The following BTBD10 variants were observed in gnomAD, a reference collection of about 807,000 sequenced individuals.
BTBD10 encodes BTB domain containing 10.
In BTBD10, 21 loss-of-function variants were observed where a neutral mutation model predicts 53.2. The observed-to-expected ratio is 0.39, with a 90% CI of 0.28 to 0.57. The LOEUF (loss-of-function observed/expected upper bound fraction) is 0.57, where lower values mean the gene tolerates loss of function less well. BTBD10 is among the 20% of genes least tolerant of loss of function. The pLI is 0.53. For missense variants in BTBD10, 360 were observed against 594.7 expected, an observed-to-expected ratio of 0.61 and a Z score of 4.10; for synonymous variants, 149 against 192.7, an observed-to-expected ratio of 0.77 and a Z score of 1.88.
At chr11:13,432,905 G>T (rs1950477146) in intron 2 of BTBD10, among the ~76,000 whole-genome samples, 2 of 151,834 alleles carry the variant, frequency 1.3e-5, no homozygotes, top group African/African-American at 4.8e-5. Flanking sequence ...AAATAGAGGG[G>T]AGCACATTTT....
rs1591076771 is a variant in BTBD10, at chr11:13,388,750, G to T, written c.*81C>A. ...GTTATGTGCATCTCACAATGAAGAA[G>T]AGTGGCCTTGCAGTGCAGAATGAGG... On this transcript the variant is annotated 3_prime_UTR_variant, in exon 9 of 9. Coordinates refer to ENST00000278174, the MANE Select transcript of BTBD10 (RefSeq NM_032320.7). 3 of 1,386,854 alleles carry T rather than the reference G, an allele frequency of 2.2e-6. No homozygotes were observed. The highest frequency in any genetic ancestry group is 3.9e-5 in the Admixed American group (2 of 51,248). The allele number at this position is 1,386,854 out of a possible 1,614,324, so 85.9% of individuals were successfully genotyped here. A position where few individuals can be genotyped will look rare whatever the true frequency, so the allele number is the denominator to read the frequency against.
intron 1 of BTBD10, chr11:13,462,664 G>C (rs537568396): frequency 3.3e-4 from 51 of 152,372 alleles, no homozygotes; most frequent in Admixed American, 3.1e-3. Context: ...CAGCACGTTA[G>C]TGGGGTCTCA....
At chr11:13,401,636 A>T (rs528904671) in intron 8 of BTBD10, among the ~76,000 whole-genome samples, 1 of 152,252 alleles carries the variant, frequency 6.6e-6, no homozygotes, top group Non-Finnish European at 1.5e-5. Context: ...TCCTCTTGGG[A>T]AGGAAATAAT....
chr11:13,437,506 T>C (rs1318262337), intron 2 of BTBD10, among the ~76,000 whole-genome samples: 1 of 152,222 alleles, frequency 6.6e-6, no homozygotes, highest in Admixed American at 6.5e-5. Context: ...AATGAATCTC[T>C]GGATGGGATC....
chr11:13,433,639 C>G (rs78042241), intron 2 of BTBD10, among the ~76,000 whole-genome samples: 5,264 of 152,150 alleles, frequency 0.035, 295 homozygotes, highest in African/African-American at 0.12. Context: ...CTACCCATTG[C>G]CTGATTTTGT....
intron 8 of BTBD10, among the ~76,000 whole-genome samples, chr11:13,397,391 C>CT (rs1391413235): frequency 3.9e-5 from 6 of 152,144 alleles, no homozygotes; most frequent in Non-Finnish European, 7.3e-5. Context: ...GGTGATATCC[C>CT]TTTTAACATT....
At chr11:13,396,565 T>G (rs1347128035) in intron 8 of BTBD10, among the ~76,000 whole-genome samples, 1 of 152,212 alleles carries the variant, frequency 6.6e-6, no homozygotes, top group Non-Finnish European at 1.5e-5. Context: ...TGGCCAGAAC[T>G]TCCAACACTA....
intron 1 of BTBD10, among the ~76,000 whole-genome samples, chr11:13,446,995 A>G (rs980554728): frequency 6.6e-6 from 1 of 152,166 alleles, no homozygotes; most frequent in Non-Finnish European, 1.5e-5. Flanking sequence ...GATAGTAGAA[A>G]GAAACAATGT....
At position 13,410,829 on chromosome 11, in the gene BTBD10, G is replaced by A. The variant is rs189254362; in HGVS notation, c.808+2701C>T. Among the ~76,000 whole-genome samples the A allele has an allele frequency of 1.1e-4, 16 of 152,176 alleles. No individual in the cohort carries two copies. The East Asian group carries it at 2.9e-3, about 27-fold the overall frequency. On this transcript the variant is annotated intron_variant, in intron 6 of 8. Coordinates refer to ENST00000278174, the MANE Select transcript of BTBD10 (RefSeq NM_032320.7). ...AACACAAAATATTAACAAGACCAGAGCAGAAACTATATGAAGAAAATGATA... is the reference window on the plus strand; with the variant it reads ...AACACAAAATATTAACAAGACCAGAACAGAAACTATATGAAGAAAATGATA...
intron 1 of BTBD10, among the ~76,000 whole-genome samples, chr11:13,448,014 T>C (rs1950780859): frequency 6.6e-6 from 1 of 152,214 alleles, no homozygotes; most frequent in Admixed American, 6.5e-5. Context: ...TTATATACTA[T>C]TTTGTAATAT....
chr11:13,425,703 T>C lies in BTBD10; in HGVS notation c.102-3865A>G, dbSNP rs115515219. Among the ~76,000 whole-genome samples, 1,094 of 152,274 alleles carry C rather than the reference T, an allele frequency of 7.2e-3. 14 individuals are homozygous for C. The highest frequency in any genetic ancestry group is 0.025 in the African/African-American group (1,034 of 41,556). On this transcript the variant is annotated intron_variant, in intron 2 of 8. Coordinates refer to ENST00000278174, the MANE Select transcript of BTBD10 (RefSeq NM_032320.7). ...TAGTTAACAATAACTTATTATATATTACCAAATGGTTAGAAGAGAGAACTT... is the reference window on the plus strand; with the variant it reads ...TAGTTAACAATAACTTATTATATATCACCAAATGGTTAGAAGAGAGAACTT...
rs1950731910 is a variant in BTBD10, at chr11:13,445,252, A to G, written c.-57-71T>C. 1.3e-5 allele frequency: 7 copies of G among 531,492 alleles called. No individual in the cohort carries two copies. In the Admixed American group the frequency reaches 2.0e-4, roughly 15 times the overall value. The allele number at this position is 531,492 out of a possible 1,614,324, so 32.9% of individuals were successfully genotyped here. A position where few individuals can be genotyped will look rare whatever the true frequency, so the allele number is the denominator to read the frequency against. ...ATAAAATAGTCATAGAATTGTACAG[A>G]CTTGATATTATTGTGACATATTTTT... On this transcript the variant is annotated intron_variant, in intron 1 of 8. Coordinates refer to ENST00000278174, the MANE Select transcript of BTBD10 (RefSeq NM_032320.7).
At chr11:13,401,458 A>G (rs1949715421) in intron 8 of BTBD10, among the ~76,000 whole-genome samples, 1 of 152,186 alleles carries the variant, frequency 6.6e-6, no homozygotes, top group Non-Finnish European at 1.5e-5. Flanking sequence ...ACAGTCTATG[A>G]CCTGAACAGA....
intron 8 of BTBD10, among the ~76,000 whole-genome samples, chr11:13,393,100 T>G (rs1405958050): frequency 6.6e-6 from 1 of 152,188 alleles, no homozygotes; most frequent in African/African-American, 2.4e-5. Flanking sequence ...GAGAATGATT[T>G]AGGTAAGAAT....
At chr11:13,443,044 T>C (rs1420677806) in intron 2 of BTBD10, among the ~76,000 whole-genome samples, 1 of 152,022 alleles carries the variant, frequency 6.6e-6, no homozygotes, top group African/African-American at 2.4e-5. Flanking sequence ...TACTTTAATG[T>C]TTTTCACTCA....
intron 1 of BTBD10, among the ~76,000 whole-genome samples, chr11:13,453,601 A>T (rs1395053829): frequency 6.6e-6 from 1 of 152,208 alleles, no homozygotes; most frequent in Non-Finnish European, 1.5e-5. Context: ...GGATTGCTTA[A>T]ATATAGTCAC....
chr11:13,393,151 C>G (rs1949450883), intron 8 of BTBD10, among the ~76,000 whole-genome samples: 1 of 152,122 alleles, frequency 6.6e-6, no homozygotes, highest in Non-Finnish European at 1.5e-5. Context: ...TTAACAACAG[C>G]AATAAACCCA....
chr11:13,390,051 A>G (rs1402608152), intron 8 of BTBD10, among the ~76,000 whole-genome samples: 1 of 152,138 alleles, frequency 6.6e-6, no homozygotes, highest in Non-Finnish European at 1.5e-5. Context: ...CCTCTTTTGG[A>G]ACATAGTCAC....
At chr11:13,433,080 T>C (rs1950481062) in intron 2 of BTBD10, among the ~76,000 whole-genome samples, 1 of 152,204 alleles carries the variant, frequency 6.6e-6, no homozygotes, top group African/African-American at 2.4e-5. Context: ...TTTGTCCATG[T>C]TTCCTGGCTC....
Sources: allele counts gnomAD v4.1 joint callset (sites outside exome capture counted in the v4.1 genomes callset), GRCh38; gene constraint gnomAD v4.1.1; transcripts MANE v1.5; gene names NCBI Gene and HGNC (gene_info 2026-07-23, HGNC 2026-07-21).